MPPED1: variants seen among roughly 807,000 people sequenced by gnomAD.
The protein encoded by MPPED1 is metallophosphoesterase domain-containing protein 1.
MPPED1 carries 16 observed loss-of-function variants against 36.2 expected under a neutral mutation model. The ratio of observed to expected loss-of-function variants is 0.44; its 90% CI spans 0.30 to 0.67. The LOEUF is 0.67. Ranked by LOEUF, MPPED1 falls within the 30% of genes least tolerant of loss-of-function variation. The pLI is 0.10. For synonymous variants in MPPED1, 199 were observed against 191.3 expected (o/e 1.04, Z -0.33); for missense variants, 307 against 453.4 (o/e 0.68, Z 2.93).
intron 3 of MPPED1, among the ~76,000 whole-genome samples, chr22:43,451,590 C>T (rs562499296): frequency 2.6e-5 from 4 of 152,352 alleles, no homozygotes; most frequent in Middle Eastern, 3.4e-3. Flanking sequence ...AAGCATCGAG[C>T]TGACAAAGCG....
At chr22:43,439,206 G>A (rs893663056) in intron 3 of MPPED1, among the ~76,000 whole-genome samples, 2 of 152,182 alleles carry the variant, frequency 1.3e-5, no homozygotes, top group Non-Finnish European at 2.9e-5. Flanking sequence ...CTGGGTCTGC[G>A]TTCATGGGAG....
At chr22:43,456,245 C>T (rs1372769330) in intron 3 of MPPED1, among the ~76,000 whole-genome samples, 2 of 152,152 alleles carry the variant, frequency 1.3e-5, no homozygotes, top group East Asian at 1.9e-4. Flanking sequence ...GACTTTTAGT[C>T]CTTCACTATT....
intron 4 of MPPED1, among the ~76,000 whole-genome samples, chr22:43,486,959 T>C (rs1390525530): frequency 1.3e-5 from 2 of 152,122 alleles, no homozygotes; most frequent in Non-Finnish European, 2.9e-5. Context: ...GATATGGGTC[T>C]TGGGGCTTCC....
intron 3 of MPPED1, among the ~76,000 whole-genome samples, chr22:43,439,108 T>G (rs1263475882): frequency 6.6e-6 from 1 of 152,206 alleles, no homozygotes; most frequent in African/African-American, 2.4e-5. Context: ...GTGGTTAAAT[T>G]CCTGCGGACT....
intron 4 of MPPED1, among the ~76,000 whole-genome samples, chr22:43,495,243 T>C (rs1204575089): frequency 7.1e-6 from 1 of 140,302 alleles, no homozygotes; most frequent in Non-Finnish European, 1.6e-5. Context: ...GAGGTGGTGG[T>C]GGTGATGGAG....
chr22:43,466,505 A>G (rs535087928), intron 3 of MPPED1, among the ~76,000 whole-genome samples: 1 of 152,338 alleles, frequency 6.6e-6, no homozygotes, highest in South Asian at 2.1e-4. Flanking sequence ...AATGCAATGA[A>G]AATGGCTAAC....
rs1555904573 is a variant in MPPED1, at chr22:43,497,935, G to GTGTATATATATATATATATATA, written c.633-299_633-298insGTATATATATATATATATATAT. Among the ~76,000 whole-genome samples, 975 of 128,314 alleles carry GTGTATATATATATATATATATA rather than the reference G, an allele frequency of 7.6e-3. 57 individuals are homozygous for GTGTATATATATATATATATATA. Among genetic ancestry groups the GTGTATATATATATATATATATA allele is most frequent in the African/African-American group, 0.031 (901 of 28,884 alleles). 84.2% of individuals were successfully genotyped at this position (128,314 alleles called of 152,430 possible). A position where few individuals can be genotyped will look rare whatever the true frequency, so the allele number is the denominator to read the frequency against. On this transcript the variant is annotated intron_variant, in intron 4 of 6. Coordinates refer to ENST00000443721, the MANE Select transcript of MPPED1 (RefSeq NM_001044370.2). ...AAGAAGCTGATATATATATGTATAT[G>GTGTATATATATATATATATATA]TATATATATATATGTATTTAGCTTT...
chr22:43,452,305 C>T (rs896528089), intron 3 of MPPED1, among the ~76,000 whole-genome samples: 4 of 152,080 alleles, frequency 2.6e-5, no homozygotes, highest in African/African-American at 4.8e-5. Context: ...TGAGCCAATG[C>T]GCCCAGCTGA....
intron 3 of MPPED1, among the ~76,000 whole-genome samples, chr22:43,449,430 C>A (rs1042551109): frequency 2.2e-5 from 3 of 136,884 alleles, no homozygotes; most frequent in African/African-American, 7.9e-5. Context: ...CAACCCCCCC[C>A]GCCCCCCCTC....
chr22:43,420,565 T>C (rs1929233905), intron 1 of MPPED1, among the ~76,000 whole-genome samples: 1 of 151,950 alleles, frequency 6.6e-6, no homozygotes, highest in African/African-American at 2.4e-5. Flanking sequence ...CCACCACGCC[T>C]GGCTGTTTGT....
In MPPED1 at chr22:43,425,201, T is replaced by C. The variant is rs1227840191; in HGVS notation, c.216T>C (p.His72=). ...NINQGRFQPP[H]VQMVDPVPHD... The stretch of plus-strand genomic sequence containing the variant: ...ACCAGGGCCGCTTCCAGCCACCGCA[T>C]GTGCAGATGTAAGTGGGACCGGTGG... The change falls in exon 2 of 7, where the codon CAT becomes CAC. Residue 72 remains histidine (H), a synonymous_variant. Transcript: ENST00000443721. The C allele has an allele frequency of 1.0e-5, 15 of 1,434,164 alleles. No homozygotes were observed. The highest frequency in any genetic ancestry group is 1.4e-5 in the Non-Finnish European group (15 of 1,066,592). 88.8% of individuals were successfully genotyped at this position (1,434,164 alleles called of 1,614,324 possible). A position where few individuals can be genotyped will look rare whatever the true frequency, so the allele number is the denominator to read the frequency against.
chr22:43,413,504 T>C (rs1008361323), intron 1 of MPPED1, among the ~76,000 whole-genome samples: 8 of 152,200 alleles, frequency 5.3e-5, no homozygotes, highest in Non-Finnish European at 1.5e-5. Context: ...GCCAGGGCTC[T>C]AAGAGACTAT....
intron 2 of MPPED1, among the ~76,000 whole-genome samples, chr22:43,425,989 G>A (rs1325627107): frequency 2.0e-5 from 3 of 152,156 alleles, no homozygotes; most frequent in Non-Finnish European, 1.5e-5. Context: ...GCTTGGGGTG[G>A]CTCCAGAGGT....
chr22:43,495,304 GGTGGTGA>G (rs1932232868), intron 4 of MPPED1, among the ~76,000 whole-genome samples: 1 of 148,024 alleles, frequency 6.8e-6, no homozygotes. Flanking sequence ...TGGAGGTGAT[GGTGGTGA>G]TGGTGGTGGT....
intron 3 of MPPED1, among the ~76,000 whole-genome samples, chr22:43,447,883 A>ATATATATATATATATATATATATTT (rs1321289636): frequency 2.1e-4 from 14 of 67,688 alleles, no homozygotes; most frequent in African/African-American, 2.7e-4. Context: ...ATATATATAT[A>ATATATATATATATATATATATATTT]TTTTTTTTTT....
At chr22:43,423,012 T>C (rs1929329057) in intron 1 of MPPED1, among the ~76,000 whole-genome samples, 1 of 152,038 alleles carries the variant, frequency 6.6e-6, no homozygotes, top group Non-Finnish European at 1.5e-5. Context: ...AATTTTTGTG[T>C]TTTTAGTGGA....
intron 5 of MPPED1, among the ~76,000 whole-genome samples, chr22:43,501,552 C>G (rs1409746249): frequency 6.6e-6 from 1 of 152,238 alleles, no homozygotes; most frequent in Non-Finnish European, 1.5e-5. Context: ...TGCATCATCT[C>G]CGGACTGTGT....
At chr22:43,430,072 C>A (rs1388010893) in intron 2 of MPPED1, among the ~76,000 whole-genome samples, 1 of 152,144 alleles carries the variant, frequency 6.6e-6, no homozygotes, top group Admixed American at 6.5e-5. Context: ...CTCAGTTTCC[C>A]CATTTGTAAA....
At chr22:43,464,291 C>CTGTGTGTGTG (rs60119589) in intron 3 of MPPED1, among the ~76,000 whole-genome samples, 24 of 143,836 alleles carry the variant, frequency 1.7e-4, no homozygotes, top group African/African-American at 4.1e-4. Context: ...TTGGTCAGCT[C>CTGTGTGTGTG]TGTGTGTGTG....
Sources: allele counts gnomAD v4.1 joint callset (sites outside exome capture counted in the v4.1 genomes callset), GRCh38; gene constraint gnomAD v4.1.1; transcripts MANE v1.5; gene names NCBI Gene and HGNC (gene_info 2026-07-23, HGNC 2026-07-21).